Variants in PARP11 observed in about 807,000 individuals in gnomAD.
PARP11 encodes the protein protein mono-ADP-ribosyltransferase PARP11.
PARP11 carries 31 observed loss-of-function variants against 42.9 expected under a neutral mutation model. The observed-to-expected ratio is 0.72, with a 90% CI of 0.54 to 0.98. The LOEUF is 0.98. Ranked by LOEUF, PARP11 falls within the 50% of genes least tolerant of loss-of-function variation. The pLI is 0.00. For synonymous variants in PARP11, 137 were observed against 127.3 expected (o/e 1.08, Z -0.51); for missense variants, 365 against 413.1 (o/e 0.88, Z 1.01).
At chr12:3,830,806 A>G (rs3759360) in intron 1 of PARP11, among the ~76,000 whole-genome samples, 56,906 of 152,004 alleles carry the variant, frequency 0.37, 12,801 homozygotes, top group East Asian at 0.73. Context: ...GTCATACAAC[A>G]AGGAAGTCAA....
At chr12:3,855,764 G>A (rs1948178374) in intron 1 of PARP11, among the ~76,000 whole-genome samples, 1 of 152,082 alleles carries the variant, frequency 6.6e-6, no homozygotes, top group Non-Finnish European at 1.5e-5. Flanking sequence ...TCACAGAATT[G>A]GAAAAAACTA....
In PARP11 at chr12:3,873,359, T is replaced by C; in HGVS notation, c.-130A>G. ...GGAGATGCAACCTTTACGAAGGCCT[T>C]CCTCCTCCCCCTCCCTGTCACAAGC... is the stretch of plus-strand genomic sequence containing the variant. On this transcript the variant is annotated 5_prime_UTR_variant, in exon 1 of 8. Transcript: ENST00000228820. 1.2e-6 allele frequency: 1 copy of C among 807,200 alleles called. No individual in the cohort carries two copies. The highest frequency in any genetic ancestry group is 2.1e-6 in the Non-Finnish European group (1 of 484,320). 50.0% of individuals were successfully genotyped at this position (807,200 alleles called of 1,614,324 possible). A position where few individuals can be genotyped will look rare whatever the true frequency, so the allele number is the denominator to read the frequency against.
At chr12:3,842,160 A>G in intron 1 of PARP11, 1 of 1,612,194 alleles carries the variant, frequency 6.2e-7, no homozygotes, top group Non-Finnish European at 8.5e-7. Flanking sequence ...AGAAAAAGTA[A>G]AAGATCCTAA....
At chr12:3,854,500 A>G (rs1437706201) in intron 1 of PARP11, among the ~76,000 whole-genome samples, 1 of 152,244 alleles carries the variant, frequency 6.6e-6, no homozygotes, top group Non-Finnish European at 1.5e-5. Flanking sequence ...AGAGAATACT[A>G]TGAACACCTC....
intron 1 of PARP11, among the ~76,000 whole-genome samples, chr12:3,850,036 T>C (rs1486088633): frequency 1.3e-5 from 2 of 152,052 alleles, no homozygotes; most frequent in Non-Finnish European, 2.9e-5. Flanking sequence ...ACAGAACTGT[T>C]AAATATACAA....
At chr12:3,831,245 A>ATCTC (rs141144974) in intron 1 of PARP11, among the ~76,000 whole-genome samples, 1 of 150,944 alleles carries the variant, frequency 6.6e-6, no homozygotes, top group South Asian at 2.1e-4. Context: ...TATCTTTCAG[A>ATCTC]TCTCTCTCTC....
In PARP11 at chr12:3,812,301, G is replaced by A. The variant is rs775926730; in HGVS notation, c.839C>T (p.Ala280Val). ...LFRTYKSMFLARVLIGDYING... is the reference protein window; with the variant it reads ...LFRTYKSMFLVRVLIGDYING... ...TATGTAATCTCCAATTAGCACTCGA[G>A]CAAGAAACATAGATTTATATGTTCT... Residue 280 changes from alanine to valine, a missense_variant, in exon 8 of 8, where the codon GCT becomes GTT. Physicochemically the swap from Ala to Val is moderately conservative, Grantham distance 64. Transcript: ENST00000228820. 8.7e-6 allele frequency: 14 copies of A among 1,614,176 alleles called. No individual in the cohort carries two copies. The highest frequency in any genetic ancestry group is 1.3e-5 in the African/African-American group (1 of 75,046).
Position 3,812,138 on chromosome 12 carries a change from C to T in PARP11, c.1002G>A (p.Leu334=), listed in dbSNP as rs1175504802. The change falls in exon 8 of 8, where the codon TTG becomes TTA. Residue 334 remains leucine, a synonymous_variant. Coordinates refer to ENST00000228820, the MANE Select transcript of PARP11 (RefSeq NM_020367.6). ...GGAAGTGAAATCAATGAAAGTCTAT[C>T]AAGTACTCAGGATAGATTTGGTTGG... is the stretch of plus-strand genomic sequence containing the variant. ...FDANQIYPEY[L]IDFH 4 of 1,608,532 alleles carry T rather than the reference C, an allele frequency of 2.5e-6. No individual in the cohort carries two copies. Among genetic ancestry groups the T allele is most frequent in the Non-Finnish European group, 3.4e-6 (4 of 1,177,440 alleles).
chr12:3,862,351 A>G (rs1056847494), intron 1 of PARP11, among the ~76,000 whole-genome samples: 9 of 152,044 alleles, frequency 5.9e-5, no homozygotes, highest in African/African-American at 2.2e-4. Context: ...TACTTGGGAG[A>G]CAGGCAAGAG....
chr12:3,840,726 C>T lies in PARP11; in HGVS notation c.19-10708G>A. 7.8e-7 allele frequency: 1 copy of T among 1,284,442 alleles called. No individual in the cohort carries two copies. The highest frequency in any genetic ancestry group is 1.1e-6 in the Non-Finnish European group (1 of 879,210). 79.6% of individuals were successfully genotyped at this position (1,284,442 alleles called of 1,614,324 possible). A position where few individuals can be genotyped will look rare whatever the true frequency, so the allele number is the denominator to read the frequency against. On this transcript the variant is annotated intron_variant, in intron 1 of 7. Transcript: ENST00000228820. The surrounding 1 kb of genome is among the most constrained non-coding windows in gnomAD (Gnocchi z 4.4). ...ACAGAAGAACGAAAAGACAAAGACT[C>T]TATTCATGGACATAGTTGGATAAAA... is the stretch of plus-strand genomic sequence containing the variant.
intron 1 of PARP11, among the ~76,000 whole-genome samples, chr12:3,835,342 G>A (rs912899030): frequency 6.6e-6 from 1 of 151,544 alleles, no homozygotes; most frequent in African/African-American, 2.4e-5. Flanking sequence ...GAGGAAAATG[G>A]ACTTTACAGA....
chr12:3,835,660 T>A (rs1947746549), intron 1 of PARP11, among the ~76,000 whole-genome samples: 1 of 152,140 alleles, frequency 6.6e-6, no homozygotes, highest in Admixed American at 6.5e-5. Context: ...GATGACAATG[T>A]CTCATCAAAT....
intron 1 of PARP11, among the ~76,000 whole-genome samples, chr12:3,862,893 T>C (rs1322039112): frequency 1.3e-5 from 2 of 152,218 alleles, no homozygotes; most frequent in East Asian, 3.8e-4. Context: ...TTTTTCAGAA[T>C]TGCTTTGGCT....
In PARP11 at chr12:3,873,375, T is replaced by C; in HGVS notation, c.-146A>G. On this transcript the variant is annotated 5_prime_UTR_variant, in exon 1 of 8. Coordinates refer to ENST00000228820, the MANE Select transcript of PARP11 (RefSeq NM_020367.6). ...CGAAGGCCTTCCTCCTCCCCCTCCC[T>C]GTCACAAGCCAGCGTTTACAGACCA... 1.4e-6 allele frequency: 1 copy of C among 735,990 alleles called. No individual in the cohort carries two copies. The highest frequency in any genetic ancestry group is 2.3e-6 in the Non-Finnish European group (1 of 427,866). The allele number at this position is 735,990 out of a possible 1,614,324, so 45.6% of individuals were successfully genotyped here.
chr12:3,831,916 A>G (rs1277340218), intron 1 of PARP11, among the ~76,000 whole-genome samples: 1 of 152,162 alleles, frequency 6.6e-6, no homozygotes, highest in East Asian at 1.9e-4. Flanking sequence ...AGAAGGAAAG[A>G]AAGTGTGACC....
chr12:3,823,290 A>G (rs1312264263), intron 4 of PARP11, among the ~76,000 whole-genome samples: 3 of 152,158 alleles, frequency 2.0e-5, no homozygotes, highest in Non-Finnish European at 4.4e-5. Flanking sequence ...TTTTTGCCCC[A>G]TCTCCTGGTA....
Position 3,809,928 on chromosome 12 carries a change from T to C in PARP11, c.*2195A>G, listed in dbSNP as rs1340101987. ...GGGTGCATACCTGAGCCAGGAAATC[T>C]TTGTTGCCACTTTGTTTCAAAGTAT... On this transcript the variant is annotated 3_prime_UTR_variant, in exon 8 of 8. Coordinates refer to ENST00000228820, the MANE Select transcript of PARP11 (RefSeq NM_020367.6). 2 of 152,228 alleles carry C rather than the reference T, an allele frequency of 1.3e-5. No individual in the cohort carries two copies. The highest frequency in any genetic ancestry group is 2.9e-5 in the Non-Finnish European group (2 of 68,038). The allele number at this position is 152,228 out of a possible 1,614,324, so 9.4% of individuals were successfully genotyped here.
intron 3 of PARP11, among the ~76,000 whole-genome samples, chr12:3,828,162 A>G (rs1216413771): frequency 6.6e-6 from 1 of 152,248 alleles, no homozygotes; most frequent in East Asian, 1.9e-4. Context: ...TGACAAAGAC[A>G]TCGAGAGAAA....
intron 1 of PARP11, chr12:3,832,020 A>G (rs1239514558): frequency 8.8e-6 from 3 of 340,708 alleles, no homozygotes; most frequent in Non-Finnish European, 1.2e-5. Context: ...TACGAGTTCT[A>G]TCTTTTCTCT....
Sources: gnomAD v4.1 joint callset for allele counts (sites outside exome capture counted in the v4.1 genomes callset) on GRCh38, gnomAD v4.1.1 for gene constraint, Gnocchi (gnomAD v3.1) non-coding constraint, MANE v1.5 for transcripts, NCBI Gene and HGNC (gene_info 2026-07-23, HGNC 2026-07-21) for gene names.